PACRG: variants seen among roughly 807,000 people sequenced by gnomAD.
PACRG encodes the protein parkin coregulated.
A neutral mutation model predicts 29.7 loss-of-function variants in PACRG; 29 were observed. The observed-to-expected ratio is 0.98, with a 90% CI of 0.73 to 1.33. The LOEUF is 1.33. PACRG is among the 40% of genes most tolerant of loss of function. The pLI is 0.00. For synonymous variants in PACRG, 116 were observed against 118.7 expected (o/e 0.98, Z 0.15); for missense variants, 279 against 316.2 (o/e 0.88, Z 0.89).
chr6:163,153,571 A>G (rs1260497370), intron 4 of PACRG, among the ~76,000 whole-genome samples: 1 of 152,208 alleles, frequency 6.6e-6, no homozygotes, highest in Non-Finnish European at 1.5e-5. Context: ...TTTTTTTTAC[A>G]TTGGTTTACA....
chr6:162,844,971 T>C (rs1012541357), intron 2 of PACRG, among the ~76,000 whole-genome samples: 1 of 152,182 alleles, frequency 6.6e-6, no homozygotes, highest in Non-Finnish European at 1.5e-5. Context: ...TAATCCAATG[T>C]GAGTCTGCCT....
At chr6:163,278,764 A>G (rs1784137465) in intron 4 of PACRG, among the ~76,000 whole-genome samples, 1 of 152,152 alleles carries the variant, frequency 6.6e-6, no homozygotes, top group Non-Finnish European at 1.5e-5. Context: ...AAGTCAGGTA[A>G]TGTGATGCCT....
chr6:163,312,580 C>T (rs749935780), intron 4 of PACRG, among the ~76,000 whole-genome samples: 8 of 152,104 alleles, frequency 5.3e-5, no homozygotes, highest in Non-Finnish European at 8.8e-5. Context: ...CTCACGCCTC[C>T]GAACACCATG....
At chr6:163,252,858 T>C (rs748328841) in intron 4 of PACRG, among the ~76,000 whole-genome samples, 1 of 152,216 alleles carries the variant, frequency 6.6e-6, no homozygotes, top group East Asian at 1.9e-4. Flanking sequence ...ACCAAGGAGA[T>C]GGTGAGTGAG....
chr6:163,256,109 AC>A (rs1358555796), intron 4 of PACRG, among the ~76,000 whole-genome samples: 1 of 152,220 alleles, frequency 6.6e-6, no homozygotes, highest in Non-Finnish European at 1.5e-5. Context: ...GAATTTTTAA[AC>A]ATATTTGACT....
intron 1 of PACRG, among the ~76,000 whole-genome samples, chr6:162,755,151 T>C (rs1781806601): frequency 1.3e-5 from 2 of 152,192 alleles, no homozygotes; most frequent in Admixed American, 1.3e-4. Flanking sequence ...CCTCTTTCAC[T>C]TGTGATCTTA....
intron 2 of PACRG, among the ~76,000 whole-genome samples, chr6:162,988,578 T>C (rs945502490): frequency 2.6e-5 from 4 of 152,202 alleles, no homozygotes; most frequent in Non-Finnish European, 1.5e-5. Flanking sequence ...AGCCATTCTA[T>C]GTAGAATCGT....
At chr6:162,999,906 T>C (rs1218687909) in intron 2 of PACRG, among the ~76,000 whole-genome samples, 1 of 152,216 alleles carries the variant, frequency 6.6e-6, no homozygotes, top group African/African-American at 2.4e-5. Flanking sequence ...CATATTACTT[T>C]GGAACATTAA....
chr6:162,783,232 A>G (rs1044972847), intron 1 of PACRG, among the ~76,000 whole-genome samples: 42 of 151,998 alleles, frequency 2.8e-4, no homozygotes, highest in African/African-American at 5.3e-4. Flanking sequence ...AATAGAAAAT[A>G]TATTTGTTTA....
chr6:163,191,751 C>T (rs6937392), intron 4 of PACRG: 1 of 456,020 alleles, frequency 2.2e-6, no homozygotes, highest in Non-Finnish European at 4.4e-6. Flanking sequence ...AGAGCCATGA[C>T]GTCCCTCTGC....
chr6:163,284,513 C>T (rs978338297), intron 4 of PACRG, among the ~76,000 whole-genome samples: 37 of 152,200 alleles, frequency 2.4e-4, no homozygotes, highest in African/African-American at 8.4e-4. Flanking sequence ...CATTAAAGCT[C>T]ATAGTGTGTT....
chr6:162,880,479 A>G (rs1377520592), intron 2 of PACRG, among the ~76,000 whole-genome samples: 1 of 152,212 alleles, frequency 6.6e-6, no homozygotes, highest in African/African-American at 2.4e-5. Flanking sequence ...CACAAAATAT[A>G]CTGCAGAAGA....
intron 2 of PACRG, among the ~76,000 whole-genome samples, chr6:162,955,237 G>A (rs1799925986): frequency 6.6e-6 from 1 of 152,164 alleles, no homozygotes; most frequent in Non-Finnish European, 1.5e-5. Context: ...GGAGAGAGGG[G>A]AAGCATTTCA....
chr6:162,920,673 G>T (rs530303590), intron 2 of PACRG, among the ~76,000 whole-genome samples: 1 of 152,174 alleles, frequency 6.6e-6, no homozygotes, highest in South Asian at 2.1e-4. Flanking sequence ...TTGTAGCTTG[G>T]CCTCCTAAGT....
chr6:163,256,646 GT>G (rs1415517124), intron 4 of PACRG, among the ~76,000 whole-genome samples: 1 of 152,194 alleles, frequency 6.6e-6, no homozygotes, highest in Non-Finnish European at 1.5e-5. Flanking sequence ...GGACACGTCG[GT>G]GCCTTGAAGG....
In PACRG at chr6:162,990,074, T is replaced by C. The variant is rs1803303704; in HGVS notation, c.292-72076T>C. Among the ~76,000 whole-genome samples, 5 of 151,108 alleles carry C rather than the reference T, an allele frequency of 3.3e-5. No individual in the cohort carries two copies. The South Asian group carries it at 1.0e-3, about 32-fold the overall frequency. ...CCCTACAAAGGACATGAACTCATCA[T>C]TTTTTATGGCTGCATAGTATTCCAT... On this transcript the variant is annotated intron_variant, in intron 2 of 4. Coordinates refer to ENST00000366888, the MANE Select transcript of PACRG (RefSeq NM_001080379.2).
intron 4 of PACRG, among the ~76,000 whole-genome samples, chr6:163,228,064 G>C (rs1218331527): frequency 1.3e-5 from 2 of 152,068 alleles, no homozygotes; most frequent in Non-Finnish European, 1.5e-5. Flanking sequence ...TATCCAGAAG[G>C]TTATTGTTTT....
chr6:163,081,687 A>G lies in PACRG; in HGVS notation c.464-7572A>G, dbSNP rs1235573120. 2.6e-5 allele frequency among the ~76,000 whole-genome samples: 4 copies of G among 152,108 alleles called. No individual in the cohort carries two copies. In the East Asian group the frequency reaches 7.7e-4, roughly 29 times the overall value. On this transcript the variant is annotated intron_variant, in intron 3 of 4. Transcript: ENST00000366888. ...GACAGGATCACTTAAGCCCAGGTGG[A>G]TTAAGCTATAGTGGGCTATGATCAC...
chr6:163,297,129 C>T (rs147410090), intron 4 of PACRG, among the ~76,000 whole-genome samples: 372 of 152,296 alleles, frequency 2.4e-3, no homozygotes, highest in Non-Finnish European at 3.8e-3. Context: ...CTTCCTGCGA[C>T]GAAGCTTTGT....
Sources: allele counts gnomAD v4.1 joint callset (sites outside exome capture counted in the v4.1 genomes callset), GRCh38; gene constraint gnomAD v4.1.1; transcripts MANE v1.5; gene names NCBI Gene and HGNC (gene_info 2026-07-23, HGNC 2026-07-21).